Variants in GRIP1 observed in about 807,000 individuals in gnomAD.
The protein encoded by GRIP1 is glutamate receptor interacting protein 1.
Under a neutral mutation model 129.9 loss-of-function variants are expected in GRIP1, and 45 were observed. The observed-to-expected ratio is 0.35, with a 90% CI of 0.27 to 0.44. The LOEUF (loss-of-function observed/expected upper bound fraction) is 0.44. Ranked by LOEUF, GRIP1 falls within the 20% of genes least tolerant of loss-of-function variation. The pLI is 1.00. For synonymous variants in GRIP1, 530 were observed against 520.8 expected (o/e 1.02, Z -0.24); for missense variants, 1,196 against 1,396.8 (o/e 0.86, Z 2.29).
chr12:66,571,680 TA>T (rs2062964986), intron 2 of GRIP1, among the ~76,000 whole-genome samples: 2 of 152,212 alleles, frequency 1.3e-5, no homozygotes, highest in African/African-American at 4.8e-5. Flanking sequence ...TTCCCTTTCC[TA>T]GGTGAAAAAG....
chr12:66,494,449 C>G (rs2060183646), intron 7 of GRIP1, among the ~76,000 whole-genome samples: 1 of 152,182 alleles, frequency 6.6e-6, no homozygotes, highest in African/African-American at 2.4e-5. Context: ...TAGTTTCTTT[C>G]AATCTTCTGT....
intron 23 of GRIP1, among the ~76,000 whole-genome samples, chr12:66,354,730 G>A (rs939945409): frequency 8.5e-5 from 13 of 152,288 alleles, no homozygotes; most frequent in African/African-American, 3.1e-4. Context: ...AGGGCAAAAT[G>A]TGAAGGTTAA....
intron 19 of GRIP1, among the ~76,000 whole-genome samples, chr12:66,379,763 C>A (rs780485462): frequency 6.6e-6 from 1 of 152,156 alleles, no homozygotes; most frequent in Non-Finnish European, 1.5e-5. Context: ...TTTGGAGAAT[C>A]GGTTTTCAGA....
chr12:66,954,468 G>A (rs1234793404), intron 1 of GRIP1, among the ~76,000 whole-genome samples: 1 of 152,174 alleles, frequency 6.6e-6, no homozygotes, highest in Non-Finnish European at 1.5e-5. Flanking sequence ...AAGTGTCCTG[G>A]AACCCCATCC....
chr12:66,784,395 C>G (rs868182460), intron 1 of GRIP1, among the ~76,000 whole-genome samples: 8 of 152,172 alleles, frequency 5.3e-5, no homozygotes, highest in Non-Finnish European at 1.2e-4. Context: ...ATTTTTATAA[C>G]CTCACAATAT....
chr12:66,897,147 T>C (rs2040763622), intron 1 of GRIP1, among the ~76,000 whole-genome samples: 1 of 152,156 alleles, frequency 6.6e-6, no homozygotes, highest in Admixed American at 6.5e-5. Flanking sequence ...CACAGTGTTG[T>C]CGGGAAGATG....
At chr12:67,025,137 G>A (rs551788557) in intron 1 of GRIP1, among the ~76,000 whole-genome samples, 2 of 152,280 alleles carry the variant, frequency 1.3e-5, no homozygotes, top group South Asian at 2.1e-4. Flanking sequence ...TCAGGAGTTA[G>A]AGACCAGCCT....
At chr12:66,950,973 G>C (rs1021723676) in intron 1 of GRIP1, among the ~76,000 whole-genome samples, 3 of 152,078 alleles carry the variant, frequency 2.0e-5, no homozygotes, top group African/African-American at 7.3e-5. Context: ...AAATGTTTTA[G>C]TATTTTTGGT....
In GRIP1 at chr12:66,962,146, G is replaced by A. The variant is rs180977022; in HGVS notation, c.58+106904C>T. Among the ~76,000 whole-genome samples, 642 of 152,222 alleles carry A rather than the reference G, an allele frequency of 4.2e-3. 4 individuals are homozygous for A. Among genetic ancestry groups the A allele is most frequent in the Admixed American group, 8.7e-3 (133 of 15,258 alleles). On this transcript the variant is annotated intron_variant, in intron 1 of 1. Transcript: ENST00000643019. ...TCTTTCTATTTTTACCATGGCTGTG[G>A]TAGTGGTGATGCAAGCATAGCCCAA...
chr12:66,757,868 A>G (rs1805455731), intron 1 of GRIP1, among the ~76,000 whole-genome samples: 1 of 152,184 alleles, frequency 6.6e-6, no homozygotes, highest in Admixed American at 6.5e-5. Flanking sequence ...ACCTTTCAGG[A>G]ACTTTTCTCA....
chr12:66,811,173 G>T (rs1439456246), intron 1 of GRIP1, among the ~76,000 whole-genome samples: 2 of 152,204 alleles, frequency 1.3e-5, no homozygotes, highest in Non-Finnish European at 2.9e-5. Flanking sequence ...TGAGGTTATT[G>T]AGTTTTCAAA....
chr12:66,474,813 G>C (rs909138749), intron 7 of GRIP1, among the ~76,000 whole-genome samples: 3 of 152,132 alleles, frequency 2.0e-5, no homozygotes, highest in Non-Finnish European at 4.4e-5. Context: ...TGCCCTACAA[G>C]AGCTCCTGAA....
In GRIP1 at chr12:66,771,414, T is replaced by C. The variant is rs549517580; in HGVS notation, c.-420+32639A>G. On this transcript the variant is annotated intron_variant, in intron 1 of 4. Transcript: ENST00000538373. ...ACCTTGCACAGACACAACACACACATAGATACAGCAATTCCTATAAAGCCA... is the reference window on the plus strand; with the variant it reads ...ACCTTGCACAGACACAACACACACACAGATACAGCAATTCCTATAAAGCCA... Among the ~76,000 whole-genome samples the C allele has an allele frequency of 1.4e-4, 22 of 152,240 alleles. No individual in the cohort carries two copies. In the Middle Eastern group the frequency reaches 0.01, roughly 71 times the overall value.
intron 1 of GRIP1, among the ~76,000 whole-genome samples, chr12:67,029,760 C>T (rs1023542855): frequency 6.6e-6 from 1 of 151,918 alleles, no homozygotes; most frequent in East Asian, 1.9e-4. Flanking sequence ...TTGATGGAAA[C>T]CTTAACTAGT....
At chr12:67,053,849 AAT>A (rs1465186612) in intron 1 of GRIP1, among the ~76,000 whole-genome samples, 5 of 151,958 alleles carry the variant, frequency 3.3e-5, no homozygotes, top group Non-Finnish European at 5.9e-5. Context: ...AAAAAAAAAA[AAT>A]AAATATAAAT....
Position 66,445,272 on chromosome 12 carries a change from G to T in GRIP1, c.1541+50C>A, listed in dbSNP as rs759267819. On this transcript the variant is annotated intron_variant, in intron 12 of 24. Coordinates refer to ENST00000359742, the MANE Select transcript of GRIP1 (RefSeq NM_001366722.1). ...TTTACTAGCCATTCAAAGATAGCAG[G>T]TACCAGAAACGCAGAGCAGAAAATG... 1.2e-5 allele frequency: 17 copies of T among 1,419,796 alleles called. No individual in the cohort carries two copies. In the Admixed American group the frequency reaches 1.8e-4, roughly 15 times the overall value. 87.9% of individuals were successfully genotyped at this position (1,419,796 alleles called of 1,614,324 possible).
chr12:66,977,807 A>ATTTTTTTTTTTTTT (rs200381983), intron 1 of GRIP1, among the ~76,000 whole-genome samples: 1 of 60,256 alleles, frequency 1.7e-5, no homozygotes, highest in African/African-American at 7.0e-5. Context: ...AGAGCTGAGC[A>ATTTTTTTTTTTTTT]TTTTTTTTTT....
Position 67,014,300 on chromosome 12 carries a change from C to T in GRIP1, c.58+54750G>A, listed in dbSNP as rs181533661. Reference sequence around the variant, plus strand: ...CTATTAACAAAGTTCTCTTTCACTTCCAAAAGTATTCTGGTTTGAATGATA... The same window carrying T: ...CTATTAACAAAGTTCTCTTTCACTTTCAAAAGTATTCTGGTTTGAATGATA... On this transcript the variant is annotated intron_variant, in intron 1 of 1. Transcript: ENST00000643019. 7.8e-3 allele frequency among the ~76,000 whole-genome samples: 1,193 copies of T among 152,240 alleles called. 8 individuals carry two copies. The highest frequency in any genetic ancestry group is 0.011 in the Non-Finnish European group (772 of 68,004).
chr12:66,877,742 C>G (rs1302060608), intron 1 of GRIP1, among the ~76,000 whole-genome samples: 1 of 152,026 alleles, frequency 6.6e-6, no homozygotes, highest in Non-Finnish European at 1.5e-5. Context: ...TTCCTCTTAT[C>G]CCACACATAA....
Sources: gnomAD v4.1 joint callset for allele counts (sites outside exome capture counted in the v4.1 genomes callset) on GRCh38, gnomAD v4.1.1 for gene constraint, MANE v1.5 for transcripts, NCBI Gene and HGNC (gene_info 2026-07-23, HGNC 2026-07-21) for gene names.